Variants in ATP5MC3 observed in about 807,000 individuals in gnomAD.
ATP5MC3 encodes ATP synthase membrane subunit c locus 3.
In ATP5MC3, 6 loss-of-function variants were observed where a neutral mutation model predicts 15.6. That is an observed-to-expected ratio of 0.38 (90% CI 0.21 to 0.76). The LOEUF is 0.76. Among genes scored for constraint, ATP5MC3 ranks in the 30% least tolerant of loss-of-function variants. The pLI is 0.44. For synonymous variants in ATP5MC3, 66 were observed against 63.3 expected (o/e 1.04, Z -0.20); for missense variants, 132 against 171.2 (o/e 0.77, Z 1.28).
intron 2 of ATP5MC3, among the ~76,000 whole-genome samples, chr2:175,180,714 G>C (rs556061901): frequency 6.6e-6 from 1 of 152,274 alleles, no homozygotes; most frequent in South Asian, 2.1e-4. Context: ...ACATATTCCA[G>C]TCCAACTTCT....
Position 175,181,415 on chromosome 2 carries a change from C to T in ATP5MC3, c.-22G>A, listed in dbSNP as rs1156697329. 2.5e-6 allele frequency: 4 copies of T among 1,612,962 alleles called. No homozygotes were observed. Among genetic ancestry groups the T allele is most frequent in the Admixed American group, 3.3e-5 (2 of 59,896 alleles). On this transcript the variant is annotated 5_prime_UTR_variant, in exon 2 of 5. Coordinates refer to ENST00000284727, the MANE Select transcript of ATP5MC3 (RefSeq NM_001689.5). Reference sequence around the variant, plus strand: ...ACATCTTACACTCTTCGGGACTGCGCGGCTGGAGATATTGGGTGACAGGCG... The same window carrying T: ...ACATCTTACACTCTTCGGGACTGCGTGGCTGGAGATATTGGGTGACAGGCG...
At position 175,181,339 on chromosome 2, in the gene ATP5MC3, T is replaced by A. The variant is rs746985380; in HGVS notation, c.39+16A>T. The stretch of plus-strand genomic sequence containing the variant: ...GCCCACCCCTCAATCCCCCCGACCC[T>A]GCCTGGGCTACGCACCAGAGAGGGG... On this transcript the variant is annotated intron_variant, in intron 2 of 4. Coordinates refer to ENST00000284727, the MANE Select transcript of ATP5MC3 (RefSeq NM_001689.5). The A allele has an allele frequency of 1.2e-6, 2 of 1,612,628 alleles. No individual in the cohort carries two copies. Among genetic ancestry groups the A allele is most frequent in the African/African-American group, 2.7e-5 (2 of 74,914 alleles).
intron 2 of ATP5MC3, among the ~76,000 whole-genome samples, chr2:175,180,824 A>C (rs1044630524): frequency 6.6e-6 from 1 of 152,200 alleles, no homozygotes; most frequent in African/African-American, 2.4e-5. Flanking sequence ...CCTCACTTTA[A>C]GCCTGCAAAA....
chr2:175,179,209 C>G lies in ATP5MC3; in HGVS notation c.162G>C (p.Gln54His), dbSNP rs767363487. Residue 54 changes from glutamine to histidine, a missense_variant, in exon 4 of 5, where the codon CAG (glutamine) becomes CAC (histidine). Coordinates refer to ENST00000284727, the MANE Select transcript of ATP5MC3 (RefSeq NM_001689.5). The stretch of plus-strand genomic sequence containing the variant: ...TGGTCTGAAACTCCCTTTGGATTAG[C>G]TGAGACACACCATTCTGGGCCCCAT... ...VFNGAQNGVS[Q>H]LIQREFQTSA... 1 of 1,614,178 alleles carries G rather than the reference C, an allele frequency of 6.2e-7. No homozygotes were observed. Among genetic ancestry groups the G allele is most frequent in the East Asian group, 2.2e-5 (1 of 44,884 alleles).
At position 175,181,375 on chromosome 2, in the gene ATP5MC3, G is replaced by T. The variant is rs760618392; in HGVS notation, c.19C>A (p.Leu7Ile). MFACAKLACTPSLIRAG... is the reference protein window; with the variant it reads MFACAKIACTPSLIRAG... ...CGCACCAGAGAGGGGGTGCAGGCGA[G>T]CTTGGCGCAGGCGAACATCTTACAC... Residue 7 changes from leucine to isoleucine, a missense_variant, in exon 2 of 5, where the codon CTC becomes ATC. Physicochemically the swap from Leu to Ile is conservative, Grantham distance 5. Transcript: ENST00000284727. 1.2e-6 allele frequency: 2 copies of T among 1,613,920 alleles called. No homozygotes were observed. Among genetic ancestry groups the T allele is most frequent in the South Asian group, 2.2e-5 (2 of 90,970 alleles).
chr2:175,178,447 A>G, intron 4 of ATP5MC3, 45 bp from the exon 5 acceptor site: 1 of 1,562,274 alleles, frequency 6.4e-7, no homozygotes, highest in Non-Finnish European at 8.6e-7. Flanking sequence ...TATTAATTTC[A>G]ACATGTTTGG....
rs952410786 is a variant in ATP5MC3 at position 175,176,792 on chromosome 2, C to G, written c.*1496G>C. 2 of 152,170 alleles carry G rather than the reference C, an allele frequency of 1.3e-5. No individual in the cohort carries two copies. The highest frequency in any genetic ancestry group is 6.5e-5 in the Admixed American group (1 of 15,276). 9.4% of individuals were successfully genotyped at this position (152,170 alleles called of 1,614,324 possible). On this transcript the variant is annotated 3_prime_UTR_variant, in exon 5 of 5. Transcript: ENST00000284727. ...ATGCTTTCTTAGGGTTCACTCACAT[C>G]TATTCATTATGTATCAGTGCCTCAT...
At chr2:175,178,508 A>C in intron 4 of ATP5MC3, 106 bp from the exon 5 acceptor site, 1 of 1,457,208 alleles carries the variant, frequency 6.9e-7, no homozygotes, top group Non-Finnish European at 9.0e-7. Flanking sequence ...TAAACTGAAA[A>C]GTCTGCTGGA....
rs760457976 is a variant in ATP5MC3 at position 175,179,213 on chromosome 2, G to A, written c.158C>T (p.Ser53Phe). ...TVFNGAQNGV[S>F]QLIQREFQTS... ...CTGAAACTCCCTTTGGATTAGCTGA[G>A]ACACACCATTCTGGGCCCCATTAAA... Residue 53 changes from serine (S) to phenylalanine (F), a missense_variant, in exon 4 of 5, where the codon TCT becomes TTT. This residue lies in a region of ATP5MC3 where 90 missense variants were observed against 86.2 expected (regional missense o/e 1.04). Transcript: ENST00000284727. 1.9e-6 allele frequency: 3 copies of A among 1,614,154 alleles called. No individual in the cohort carries two copies. In the South Asian group the frequency reaches 3.3e-5, roughly 18 times the overall value.
At position 175,181,642 on chromosome 2, in the gene ATP5MC3, T is replaced by G. The variant is rs1323600249; in HGVS notation, c.-74+14A>C. 3.9e-6 allele frequency: 2 copies of G among 511,500 alleles called. No individual in the cohort carries two copies. The highest frequency in any genetic ancestry group is 6.9e-6 in the Non-Finnish European group (2 of 291,096). The allele number at this position is 511,500 out of a possible 1,614,324, so 31.7% of individuals were successfully genotyped here. On this transcript the variant is annotated intron_variant, in intron 1 of 4. Coordinates refer to ENST00000284727, the MANE Select transcript of ATP5MC3 (RefSeq NM_001689.5). The stretch of plus-strand genomic sequence containing the variant: ...CGCCCTGGCCAGGCCGGGCTCCCTG[T>G]GCCCTCCACTTACCTTCCCAGGAGG...
At chr2:175,179,523 G>T in intron 3 of ATP5MC3, 1 of 345,836 alleles carries the variant, frequency 2.9e-6, no homozygotes, top group Non-Finnish European at 5.2e-6. Flanking sequence ...AAGAGACAAG[G>T]TCTCACCTGG....
intron 2 of ATP5MC3, 38 bp downstream of exon 2, chr2:175,181,317 C>T: frequency 1.2e-6 from 2 of 1,606,264 alleles, no homozygotes; most frequent in South Asian, 2.2e-5. Flanking sequence ...CCAAAACGCC[C>T]ACCCCTCAAT....
intron 4 of ATP5MC3, 134 bp from the exon 5 acceptor site, chr2:175,178,536 C>A (rs1700722120): frequency 7.1e-7 from 1 of 1,412,144 alleles, no homozygotes; most frequent in African/African-American, 1.5e-5. Flanking sequence ...TTGCCTAGAT[C>A]TCTCTTACAC....
rs139451281 is a variant in ATP5MC3 at position 175,179,242 on chromosome 2, C to A, written c.129G>T (p.Thr43=). The A allele has an allele frequency of 1.2e-6, 2 of 1,607,604 alleles. No individual in the cohort carries two copies. Among genetic ancestry groups the A allele is most frequent in the Admixed American group, 3.3e-5 (2 of 59,782 alleles). Residue 43 remains threonine, a synonymous_variant, in exon 4 of 5, where the codon ACG becomes ACT. Transcript: ENST00000284727. ...PEASRTGEGS[T]VFNGAQNGVS... Reference sequence around the variant, plus strand: ...CACCATTCTGGGCCCCATTAAATACCGTAGAGCCCTGGAAAACAGAAAATA... The same window carrying A: ...CACCATTCTGGGCCCCATTAAATACAGTAGAGCCCTGGAAAACAGAAAATA...
chr2:175,181,684 T>G lies in ATP5MC3; in HGVS notation c.-102A>C, dbSNP rs538198348. The G allele has an allele frequency of 2.7e-5, 13 of 476,550 alleles. No individual in the cohort carries two copies. The highest frequency in any genetic ancestry group is 2.6e-4 in the African/African-American group (13 of 49,622). 29.5% of individuals were successfully genotyped at this position (476,550 alleles called of 1,614,324 possible). On this transcript the variant is annotated 5_prime_UTR_variant, in exon 1 of 5. Transcript: ENST00000284727. ...CCCAGGAGGCGGCGGCGGCACGGGCTGCGGCAGAGGTCGAAGGAGTGGGAC... is the reference window on the plus strand; with the variant it reads ...CCCAGGAGGCGGCGGCGGCACGGGCGGCGGCAGAGGTCGAAGGAGTGGGAC...
rs34269513 is a variant in ATP5MC3, at chr2:175,177,851, T to C, written c.*437A>G. ...TTCTGATTTGAAGTATTCTAACTGA[T>C]GTTAGACCTTAAAAACTCAAGACCA... On this transcript the variant is annotated 3_prime_UTR_variant, in exon 5 of 5. Coordinates refer to ENST00000284727, the MANE Select transcript of ATP5MC3 (RefSeq NM_001689.5). 1.2e-3 allele frequency: 188 copies of C among 152,724 alleles called. 2 individuals are homozygous for C. The highest frequency in any genetic ancestry group is 8.9e-3 in the South Asian group (43 of 4,842). The allele number at this position is 152,724 out of a possible 1,614,324, so 9.5% of individuals were successfully genotyped here.
At chr2:175,181,269 C>T in intron 2 of ATP5MC3, 86 bp downstream of exon 2, 2 of 1,501,430 alleles carry the variant, frequency 1.3e-6, no homozygotes, top group Non-Finnish European at 1.8e-6. Context: ...TGTGCCCCGC[C>T]CGAAGGTTGC....
Position 175,180,197 on chromosome 2 carries a change from T to A in ATP5MC3, c.40-19A>T. The A allele has an allele frequency of 6.5e-7, 1 of 1,538,366 alleles. No homozygotes were observed. The highest frequency in any genetic ancestry group is 8.7e-7 in the Non-Finnish European group (1 of 1,147,984). ...CTCGGATCTATTAATGAAAAAAAAA[T>A]AAAGATTTCAATATTAAGAAAGAAT... On this transcript the variant is annotated intron_variant, in intron 2 of 4. Transcript: ENST00000284727.
intron 3 of ATP5MC3, 164 bp downstream of exon 3, chr2:175,179,934 T>G: frequency 1.8e-6 from 1 of 563,938 alleles, no homozygotes; most frequent in Non-Finnish European, 3.0e-6. Flanking sequence ...TCTCATCTAG[T>G]TTTTTGGCTA....
Sources: allele counts gnomAD v4.1 joint callset (sites outside exome capture counted in the v4.1 genomes callset), GRCh38; gene constraint gnomAD v4.1.1; regional missense constraint gnomAD v4.1.1; transcripts MANE v1.5; gene names NCBI Gene and HGNC (gene_info 2026-07-23, HGNC 2026-07-21).